The following COL4A1 variants were observed in gnomAD, a reference collection of about 807,000 sequenced individuals.
COL4A1 encodes the protein collagen alpha-1(IV) chain.
COL4A1 carries 40 observed loss-of-function variants against 216.6 expected under a neutral mutation model. That is an observed-to-expected ratio of 0.18 (90% CI 0.14 to 0.24). The LOEUF (loss-of-function observed/expected upper bound fraction) is 0.24, where lower values mean the gene tolerates loss of function less well. COL4A1 is among the 10% of genes least tolerant of loss of function. The probability of loss-of-function intolerance (pLI) is 1.00; values close to 1 mark genes in which losing one functional copy is unlikely to be tolerated. For missense variants in COL4A1, 1,628 were observed against 2,196.8 expected (o/e 0.74, Z 5.18); for synonymous variants, 839 against 810.7 (o/e 1.03, Z -0.59).
rs994942485 is a variant in COL4A1 at position 110,162,445 on chromosome 13, G to C, written c.4250-3C>G. 1.9e-6 allele frequency: 3 copies of C among 1,611,116 alleles called. No homozygotes were observed. The South Asian group carries it at 3.3e-5, about 18-fold the overall frequency. The stretch of plus-strand genomic sequence containing the variant: ...TGGACCTGGAAATCCTCTTGGACCT[G>C]GAAGATAGGAGACAAATTAGTTTCC... On this transcript the variant is annotated splice_polypyrimidine_tract_variant and splice_region_variant and intron_variant, in intron 47 of 51. Coordinates refer to ENST00000375820, the MANE Select transcript of COL4A1 (RefSeq NM_001845.6).
At chr13:110,295,558 TG>T (rs1286695475) in intron 1 of COL4A1, among the ~76,000 whole-genome samples, 1 of 151,750 alleles carries the variant, frequency 6.6e-6, no homozygotes, top group Non-Finnish European at 1.5e-5. Context: ...CCCAAGTAGC[TG>T]GGATTACAGG....
intron 1 of COL4A1, among the ~76,000 whole-genome samples, chr13:110,261,046 A>AAAAAAAAAAG (rs1555313041): frequency 2.0e-5 from 3 of 150,994 alleles, no homozygotes; most frequent in Admixed American, 2.0e-4. Context: ...CAAAAAAAAA[A>AAAAAAAAAAG]AAAAAAAAGG....
chr13:110,298,117 TAAA>T lies in COL4A1; in HGVS notation c.84+8824_84+8826del, dbSNP rs201241020. ...AATATCTATGATCAACATGAAATAA[TAAA>T]GAAGTATGAATTATAGAATTTTTTA... is the stretch of plus-strand genomic sequence containing the variant. On this transcript the variant is annotated intron_variant, in intron 1 of 51. Transcript: ENST00000375820. Among the ~76,000 whole-genome samples, 430 of 152,234 alleles carry T rather than the reference TAAA, an allele frequency of 2.8e-3. 4 individuals carry two copies. The highest frequency in any genetic ancestry group is 0.02 in the East Asian group (102 of 5,184).
At chr13:110,277,341 T>C (rs1883469052) in intron 1 of COL4A1, among the ~76,000 whole-genome samples, 1 of 152,244 alleles carries the variant, frequency 6.6e-6, no homozygotes. Flanking sequence ...GTCTAAGCCA[T>C]TCTTTATTTT....
At chr13:110,213,647 C>A in intron 4 of COL4A1, 135 bp downstream of exon 4, 1 of 872,848 alleles carries the variant, frequency 1.1e-6, no homozygotes, top group Admixed American at 1.9e-5. Context: ...CTCGCGCCTG[C>A]CTGCCCGTGC....
intron 1 of COL4A1, among the ~76,000 whole-genome samples, chr13:110,246,152 A>C (rs966917727): frequency 1.3e-5 from 2 of 152,060 alleles, no homozygotes; most frequent in African/African-American, 4.8e-5. Context: ...GTTAAAAAAA[A>C]AAAACAAAAA....
At chr13:110,277,799 G>A (rs140571250) in intron 1 of COL4A1, among the ~76,000 whole-genome samples, 251 of 152,228 alleles carry the variant, frequency 1.6e-3, no homozygotes, top group East Asian at 0.013. Flanking sequence ...TTTGACCCAC[G>A]TCTTGCAAGT....
intron 1 of COL4A1, among the ~76,000 whole-genome samples, chr13:110,283,414 C>T (rs561269673): frequency 1.3e-5 from 2 of 152,258 alleles, no homozygotes; most frequent in East Asian, 1.9e-4. Flanking sequence ...GAATGTGAGC[C>T]GTGCCCAAGC....
At chr13:110,262,133 C>T (rs945818863) in intron 1 of COL4A1, among the ~76,000 whole-genome samples, 1 of 152,168 alleles carries the variant, frequency 6.6e-6, no homozygotes, top group Admixed American at 6.5e-5. Flanking sequence ...TTGAGTACCC[C>T]GTGTGCAGTA....
intron 1 of COL4A1, among the ~76,000 whole-genome samples, chr13:110,253,687 T>C (rs12428423): frequency 0.64 from 74,312 of 115,802 alleles, 21,762 homozygotes; most frequent in East Asian, 0.74. Flanking sequence ...GTATTACATA[T>C]ACATATAATT....
rs550291362 is a variant in COL4A1 at position 110,164,515 on chromosome 13, G to A, written c.4150+347C>T. 4.2e-4 allele frequency among the ~76,000 whole-genome samples: 64 copies of A among 152,272 alleles called. 1 individual carries two copies. In the South Asian group the frequency reaches 0.012, roughly 30 times the overall value. ...CCTGGGGGCATGGATGGAGAGCACC[G>A]ATTTTTACCATTCCAGATTGCTACA... On this transcript the variant is annotated intron_variant, in intron 46 of 51. Coordinates refer to ENST00000375820, the MANE Select transcript of COL4A1 (RefSeq NM_001845.6).
At chr13:110,221,606 T>C (rs1015307063) in intron 2 of COL4A1, among the ~76,000 whole-genome samples, 1 of 152,206 alleles carries the variant, frequency 6.6e-6, no homozygotes, top group African/African-American at 2.4e-5. Flanking sequence ...CATTTGTCCA[T>C]GATGAAAGTG....
Position 110,244,212 on chromosome 13 carries a change from G to A in COL4A1, c.85-1478C>T, listed in dbSNP as rs183797413. ...GCCTCAGCTGCATTGCCATGGAGAC[G>A]CCTGCATAAAACAATCACATCTGGA... On this transcript the variant is annotated intron_variant, in intron 1 of 51. Coordinates refer to ENST00000375820, the MANE Select transcript of COL4A1 (RefSeq NM_001845.6). 2.6e-5 allele frequency among the ~76,000 whole-genome samples: 4 copies of A among 152,182 alleles called. No individual in the cohort carries two copies. In the East Asian group the frequency reaches 5.8e-4, roughly 22 times the overall value.
At chr13:110,234,289 A>G (rs774113614) in intron 2 of COL4A1, among the ~76,000 whole-genome samples, 1 of 152,194 alleles carries the variant, frequency 6.6e-6, no homozygotes, top group Non-Finnish European at 1.5e-5. Context: ...TTCAGAAATA[A>G]AAAGGGTCAG....
At position 110,299,714 on chromosome 13, in the gene COL4A1, G is replaced by C. The variant is rs555967746; in HGVS notation, c.84+7230C>G. ...CGCCTTTCCAAAAAGTCGTGTGCAC[G>C]TCTGACCCGTTAATGCCAGCTTCTT... On this transcript the variant is annotated intron_variant, in intron 1 of 51. Transcript: ENST00000375820. 1.3e-4 allele frequency among the ~76,000 whole-genome samples: 20 copies of C among 152,278 alleles called. No homozygotes were observed. In the South Asian group the frequency reaches 4.1e-3, roughly 32 times the overall value.
rs377305307 is a variant in COL4A1 at position 110,200,938 on chromosome 13, T to C, written c.1085-49A>G. The C allele has an allele frequency of 8.2e-6, 13 of 1,581,854 alleles. No individual in the cohort carries two copies. The Admixed American group carries it at 8.3e-5, about 10-fold the overall frequency. On this transcript the variant is annotated intron_variant, in intron 19 of 51. Coordinates refer to ENST00000375820, the MANE Select transcript of COL4A1 (RefSeq NM_001845.6). The stretch of plus-strand genomic sequence containing the variant: ...GATCAAACAGAACAGTTCACCCGTT[T>C]GTATACACTTCTTATTTCTCTACTG...
chr13:110,182,922 G>A (rs1878239221), intron 28 of COL4A1, 71 bp downstream of exon 28: 1 of 1,427,548 alleles, frequency 7.0e-7, no homozygotes, highest in African/African-American at 1.4e-5. Context: ...GTGTTTTGAT[G>A]TCTACCACCT....
intron 2 of COL4A1, among the ~76,000 whole-genome samples, chr13:110,236,177 C>A (rs1194593146): frequency 6.6e-5 from 10 of 152,192 alleles, no homozygotes; most frequent in Admixed American, 6.5e-4. Flanking sequence ...CATGCAAGCT[C>A]AAGCCTAAAC....
At chr13:110,221,923 G>C (rs1405613002) in intron 2 of COL4A1, among the ~76,000 whole-genome samples, 1 of 152,226 alleles carries the variant, frequency 6.6e-6, no homozygotes, top group Non-Finnish European at 1.5e-5. Context: ...CAGGCAGCGC[G>C]TCTGTCATCA....
Sources: allele counts gnomAD v4.1 joint callset (sites outside exome capture counted in the v4.1 genomes callset), GRCh38; gene constraint gnomAD v4.1.1; transcripts MANE v1.5; gene names NCBI Gene and HGNC (gene_info 2026-07-23, HGNC 2026-07-21).